OXR1: variants seen among roughly 807,000 people sequenced by gnomAD.
OXR1 encodes oxidation resistance protein 1.
In OXR1, 41 loss-of-function variants were observed where a neutral mutation model predicts 104.6. That is an observed-to-expected ratio of 0.39 (90% confidence interval 0.31 to 0.51). The LOEUF is 0.51. OXR1 is among the 20% of genes least tolerant of loss of function. The probability of loss-of-function intolerance (pLI) is 0.77; values close to 1 mark genes in which losing one functional copy is unlikely to be tolerated. For synonymous variants in OXR1, 348 were observed against 348.4 expected, an observed-to-expected ratio of 1.00 and a Z score of 0.01; for missense variants, 955 against 1,031.9, an observed-to-expected ratio of 0.93 and a Z score of 1.02.
At chr8:106,327,907 A>G (rs1188824516) in intron 1 of OXR1, among the ~76,000 whole-genome samples, 1 of 152,234 alleles carries the variant, frequency 6.6e-6, no homozygotes, top group Non-Finnish European at 1.5e-5. Context: ...TTGTCCTTGC[A>G]TTAGTCATCA....
chr8:106,360,855 A>T (rs1816213001), intron 2 of OXR1, among the ~76,000 whole-genome samples: 1 of 152,132 alleles, frequency 6.6e-6, no homozygotes, highest in Admixed American at 6.6e-5. Context: ...TGTGTAGGAG[A>T]TGAATTCTCA....
intron 1 of OXR1, among the ~76,000 whole-genome samples, chr8:106,315,174 G>A (rs549834405): frequency 4.0e-5 from 6 of 151,324 alleles, no homozygotes; most frequent in African/African-American, 1.5e-4. Context: ...CAAGTTTTTT[G>A]TTTGTTTGTT....
rs71562109 is a variant in OXR1 at position 106,589,340 on chromosome 8, CT to C, written c.220+70217del. On this transcript the variant is annotated intron_variant, in intron 3 of 16. Transcript: ENST00000517566. ...TGAGACAGAGTTCTGGCCCTGGAGCCTTTTTTTTTTTTTTTTCCACAGCAGA... is the reference window on the plus strand; with the variant it reads ...TGAGACAGAGTTCTGGCCCTGGAGCCTTTTTTTTTTTTTTTCCACAGCAGA... 5.3e-3 allele frequency among the ~76,000 whole-genome samples: 725 copies of C among 137,018 alleles called. 4 individuals carry two copies. The highest frequency in any genetic ancestry group is 0.013 in the African/African-American group (472 of 37,146). 89.9% of individuals were successfully genotyped at this position (137,018 alleles called of 152,430 possible).
At position 106,751,879 on chromosome 8, in the gene OXR1, T is replaced by A. The variant is rs1172968094; in HGVS notation, c.*938T>A. ...TCTTGTTCAAAAGGAAAAAAAAAAT[T>A]GTGATTTTCTTTGAGTGGTATATGT... On this transcript the variant is annotated 3_prime_UTR_variant, in exon 17 of 17. Coordinates refer to ENST00000517566, the MANE Select transcript of OXR1 (RefSeq NM_001198533.2). 6.6e-6 allele frequency: 1 copy of A among 152,384 alleles called. No individual in the cohort carries two copies. The highest frequency in any genetic ancestry group is 6.6e-5 in the Admixed American group (1 of 15,262). 9.4% of individuals were successfully genotyped at this position (152,384 alleles called of 1,614,324 possible).
intron 3 of OXR1, among the ~76,000 whole-genome samples, chr8:106,632,801 T>C (rs1315688065): frequency 6.6e-6 from 1 of 152,064 alleles, no homozygotes; most frequent in African/African-American, 2.4e-5. Flanking sequence ...TAGCTGGACA[T>C]AGTGGTGCAT....
intron 3 of OXR1, among the ~76,000 whole-genome samples, chr8:106,616,143 G>A (rs1249645388): frequency 1.4e-5 from 2 of 142,594 alleles, no homozygotes; most frequent in East Asian, 4.2e-4. Context: ...CCAGGTTCAC[G>A]CCATTCTCCT....
At position 106,332,261 on chromosome 8, in the gene OXR1, C is replaced by T. The variant is rs1340432026; in HGVS notation, c.-138-27215C>T. On this transcript the variant is annotated intron_variant, in intron 1 of 16. Transcript: ENST00000517566. Reference sequence around the variant, plus strand: ...ACATAAGAAGCTGTGTTTTAATAATCTGCCTTTGCCATGTTTCTTCTTCCA... The same window carrying T: ...ACATAAGAAGCTGTGTTTTAATAATTTGCCTTTGCCATGTTTCTTCTTCCA... Among the ~76,000 whole-genome samples, 5 of 152,262 alleles carry T rather than the reference C, an allele frequency of 3.3e-5. No homozygotes were observed. The East Asian group carries it at 9.6e-4, about 29-fold the overall frequency.
chr8:106,712,557 C>T (rs934557314), intron 10 of OXR1, among the ~76,000 whole-genome samples: 17 of 152,000 alleles, frequency 1.1e-4, no homozygotes, highest in Non-Finnish European at 2.1e-4. Context: ...TGGAGATACG[C>T]GAATTGATTC....
chr8:106,360,130 G>A (rs1247728059), intron 2 of OXR1, among the ~76,000 whole-genome samples: 5 of 152,032 alleles, frequency 3.3e-5, no homozygotes, highest in Non-Finnish European at 7.4e-5. Flanking sequence ...TCTCTAAATA[G>A]CTGGCATTCT....
intron 1 of OXR1, among the ~76,000 whole-genome samples, chr8:106,319,132 A>G (rs942743731): frequency 6.6e-6 from 1 of 152,192 alleles, no homozygotes; most frequent in East Asian, 1.9e-4. Context: ...ATAGCATACC[A>G]TTTTCTTCAA....
intron 2 of OXR1, among the ~76,000 whole-genome samples, chr8:106,483,051 G>A (rs1159561629): frequency 6.6e-6 from 1 of 151,990 alleles, no homozygotes; most frequent in Non-Finnish European, 1.5e-5. Context: ...GGAAAATATG[G>A]CAGCAACAGC....
intron 11 of OXR1, among the ~76,000 whole-genome samples, chr8:106,725,235 G>A (rs976572081): frequency 8.5e-5 from 13 of 152,052 alleles, no homozygotes; most frequent in Non-Finnish European, 1.5e-4. Context: ...AGTGCATGCT[G>A]GAATGTGGAG....
intron 2 of OXR1, among the ~76,000 whole-genome samples, chr8:106,459,020 T>C (rs1401552899): frequency 6.6e-6 from 1 of 152,106 alleles, no homozygotes; most frequent in Non-Finnish European, 1.5e-5. Context: ...TTTGAGTTGA[T>C]GCTGGAATGA....
intron 6 of OXR1, among the ~76,000 whole-genome samples, chr8:106,688,321 T>A (rs911159908): frequency 3.3e-5 from 5 of 151,990 alleles, no homozygotes; most frequent in African/African-American, 1.2e-4. Context: ...CTCTTTAAGA[T>A]AAAACATGGT....
At chr8:106,466,234 G>T (rs960792232) in intron 2 of OXR1, among the ~76,000 whole-genome samples, 42 of 151,910 alleles carry the variant, frequency 2.8e-4, no homozygotes, top group African/African-American at 1.0e-3. Flanking sequence ...ATGAACATTT[G>T]TCATTGTTTC....
intron 3 of OXR1, among the ~76,000 whole-genome samples, chr8:106,573,504 T>A (rs773447955): frequency 6.6e-6 from 1 of 152,198 alleles, no homozygotes; most frequent in African/African-American, 2.4e-5. Flanking sequence ...TCAGAAACAC[T>A]GGTCAAATAC....
At chr8:106,484,029 G>C (rs977974316) in intron 2 of OXR1, among the ~76,000 whole-genome samples, 11 of 151,884 alleles carry the variant, frequency 7.2e-5, no homozygotes, top group African/African-American at 2.7e-4. Flanking sequence ...GATTTCTGAG[G>C]TACAACACTA....
At chr8:106,361,539 C>G (rs1182125671) in intron 2 of OXR1, among the ~76,000 whole-genome samples, 1 of 152,188 alleles carries the variant, frequency 6.6e-6, no homozygotes, top group Non-Finnish European at 1.5e-5. Flanking sequence ...GAAAGTAAAT[C>G]TAAAGCATGC....
chr8:106,491,511 A>C (rs527441931), intron 2 of OXR1, among the ~76,000 whole-genome samples: 1 of 152,314 alleles, frequency 6.6e-6, no homozygotes, highest in South Asian at 2.1e-4. Flanking sequence ...GATATATCTC[A>C]TCTTCCTAAT....
Sources: gnomAD v4.1 joint callset for allele counts (sites outside exome capture counted in the v4.1 genomes callset) on GRCh38, gnomAD v4.1.1 for gene constraint, MANE v1.5 for transcripts, NCBI Gene and HGNC (gene_info 2026-07-23, HGNC 2026-07-21) for gene names.